TTC28: variants seen among roughly 807,000 people sequenced by gnomAD.
TTC28 encodes the protein tetratricopeptide repeat protein 28.
Under a neutral mutation model 198.0 loss-of-function variants are expected in TTC28, and 61 were observed. The ratio of observed to expected loss-of-function variants is 0.31; its 90% confidence interval spans 0.25 to 0.38. The LOEUF (loss-of-function observed/expected upper bound fraction) is 0.38. Ranked by LOEUF, TTC28 falls within the 10% of genes least tolerant of loss-of-function variation. The pLI, the probability that TTC28 is intolerant of heterozygous loss-of-function variation, is 1.00. For missense variants in TTC28, 2,678 were observed against 3,164.0 expected (o/e 0.85, Z 3.69); for synonymous variants, 1,171 against 1,297.8 (o/e 0.90, Z 2.10).
At chr22:28,027,673 G>A (rs912525457) in intron 13 of TTC28, among the ~76,000 whole-genome samples, 4 of 152,196 alleles carry the variant, frequency 2.6e-5, no homozygotes, top group East Asian at 1.9e-4. Context: ...CTCTGCAAAC[G>A]CTAGCCACTA....
intron 15 of TTC28, 172 bp from the exon 16 acceptor site, chr22:27,999,432 G>T: frequency 2.0e-6 from 2 of 993,258 alleles, no homozygotes; most frequent in Non-Finnish European, 2.9e-6. Context: ...TGACACAGGT[G>T]CCTAACTTAC....
intron 2 of TTC28, among the ~76,000 whole-genome samples, chr22:28,548,530 C>T (rs1347991688): frequency 6.6e-6 from 1 of 152,200 alleles, no homozygotes; most frequent in Non-Finnish European, 1.5e-5. Flanking sequence ...TCACAAAGGG[C>T]AGCTTTACTG....
At chr22:28,555,380 G>C (rs13053405) in intron 2 of TTC28, among the ~76,000 whole-genome samples, 7,390 of 152,198 alleles carry the variant, frequency 0.049, 257 homozygotes, top group African/African-American at 0.094. Context: ...TATGCAAAAA[G>C]ATACTTGCAC....
intron 2 of TTC28, among the ~76,000 whole-genome samples, chr22:28,384,604 G>A (rs147340790): frequency 2.6e-5 from 4 of 152,302 alleles, no homozygotes; most frequent in Non-Finnish European, 4.4e-5. Context: ...GTGATGAAAC[G>A]AAGGTATTCT....
At chr22:28,084,287 T>A (rs1261827001) in intron 12 of TTC28, among the ~76,000 whole-genome samples, 1 of 152,130 alleles carries the variant, frequency 6.6e-6, no homozygotes, top group Non-Finnish European at 1.5e-5. Flanking sequence ...ATACCTCACA[T>A]GGCTGGGTAC....
At chr22:28,075,146 G>A (rs1941127494) in intron 12 of TTC28, among the ~76,000 whole-genome samples, 1 of 151,982 alleles carries the variant, frequency 6.6e-6, no homozygotes, top group Non-Finnish European at 1.5e-5. Context: ...AAACATAAAA[G>A]GAGATTCCAT....
intron 5 of TTC28, among the ~76,000 whole-genome samples, chr22:28,251,713 C>T (rs1019013868): frequency 6.6e-6 from 1 of 152,074 alleles, no homozygotes; most frequent in Non-Finnish European, 1.5e-5. Flanking sequence ...AATATTTATC[C>T]TAAGCAATCA....
At chr22:28,344,175 G>A (rs2145914604) in intron 2 of TTC28, among the ~76,000 whole-genome samples, 1 of 150,758 alleles carries the variant, frequency 6.6e-6, no homozygotes, top group East Asian at 1.9e-4. Context: ...CAGAAATTAA[G>A]CTATATTCAA....
At chr22:28,446,400 T>C (rs566119060) in intron 2 of TTC28, among the ~76,000 whole-genome samples, 1 of 152,274 alleles carries the variant, frequency 6.6e-6, no homozygotes, top group South Asian at 2.1e-4. Flanking sequence ...AGTTTGAATG[T>C]TTATCCCCTC....
intron 2 of TTC28, among the ~76,000 whole-genome samples, chr22:28,370,238 C>G (rs2046311405): frequency 6.6e-6 from 1 of 152,220 alleles, no homozygotes; most frequent in Admixed American, 6.5e-5. Context: ...TCACACAGTC[C>G]TTCTTAACAA....
intron 5 of TTC28, among the ~76,000 whole-genome samples, chr22:28,209,577 C>T (rs567195656): frequency 2.0e-5 from 3 of 152,272 alleles, no homozygotes; most frequent in African/African-American, 7.2e-5. Flanking sequence ...AAGGCAGCAG[C>T]GAGGCTGGGG....
chr22:28,053,113 G>A (rs907030702), intron 12 of TTC28, among the ~76,000 whole-genome samples: 2 of 152,238 alleles, frequency 1.3e-5, no homozygotes, highest in African/African-American at 4.8e-5. Context: ...CTCAGCAAAT[G>A]TATCGGCACG....
At chr22:28,371,401 T>TG (rs1283293147) in intron 2 of TTC28, among the ~76,000 whole-genome samples, 1 of 140,694 alleles carries the variant, frequency 7.1e-6, no homozygotes, top group Non-Finnish European at 1.5e-5. Context: ...TCCCAGCTAC[T>TG]GGGGAGGCTG....
chr22:28,274,976 TAAAA>T (rs34582010), intron 5 of TTC28, among the ~76,000 whole-genome samples: 4 of 77,890 alleles, frequency 5.1e-5, no homozygotes, highest in South Asian at 7.3e-4. Flanking sequence ...GAGACTGTCT[TAAAA>T]AAAAAAAAAA....
chr22:28,412,347 T>C (rs1181092242), intron 2 of TTC28, among the ~76,000 whole-genome samples: 2 of 151,594 alleles, frequency 1.3e-5, no homozygotes, highest in African/African-American at 4.9e-5. Context: ...CATCCTCCAC[T>C]ATGTGGCGGG....
chr22:28,310,163 CACACACACACAA>C lies in TTC28; in HGVS notation c.382-3532_382-3521del, dbSNP rs1307550931. On this transcript the variant is annotated intron_variant, in intron 2 of 22. Transcript: ENST00000397906. ...ACACACACACACACACACACACACA[CACACACACACAA>C]AAAACAAGACAAGAGCACCCTCAAG... is the stretch of plus-strand genomic sequence containing the variant. Among the ~76,000 whole-genome samples, 65 of 137,616 alleles carry C rather than the reference CACACACACACAA, an allele frequency of 4.7e-4. 1 individual carries two copies. The highest frequency in any genetic ancestry group is 1.8e-3 in the East Asian group (7 of 3,806). 90.3% of individuals were successfully genotyped at this position (137,616 alleles called of 152,430 possible). A position where few individuals can be genotyped will look rare whatever the true frequency, so the allele number is the denominator to read the frequency against.
At chr22:28,237,067 G>A (rs1434872681) in intron 5 of TTC28, among the ~76,000 whole-genome samples, 1 of 151,892 alleles carries the variant, frequency 6.6e-6, no homozygotes, top group South Asian at 2.1e-4. Context: ...CCTTCTTCTG[G>A]ATCAAGTGAG....
intron 3 of TTC28, among the ~76,000 whole-genome samples, chr22:28,304,014 G>A (rs1047626411): frequency 1.3e-4 from 20 of 152,140 alleles, no homozygotes; most frequent in African/African-American, 3.9e-4. Context: ...AGCCGGGCGC[G>A]GTGGCTCACG....
intron 2 of TTC28, among the ~76,000 whole-genome samples, chr22:28,405,262 A>G (rs978453558): frequency 6.6e-6 from 1 of 152,226 alleles, no homozygotes; most frequent in African/African-American, 2.4e-5. Flanking sequence ...TTTTAAGACT[A>G]TGATTATGAT....
Sources: gnomAD v4.1 joint callset for allele counts (sites outside exome capture counted in the v4.1 genomes callset) on GRCh38, gnomAD v4.1.1 for gene constraint, MANE v1.5 for transcripts, NCBI Gene and HGNC (gene_info 2026-07-23, HGNC 2026-07-21) for gene names.